The following DROSHA variants were observed in gnomAD, a reference collection of about 807,000 sequenced individuals.
DROSHA encodes the protein drosha ribonuclease III, also known as ribonuclease 3.
Under a neutral mutation model 181.9 loss-of-function variants are expected in DROSHA, and 56 were observed. The observed-to-expected ratio is 0.31, with a 90% CI of 0.25 to 0.38. The LOEUF (loss-of-function observed/expected upper bound fraction) is 0.38. Ranked by LOEUF, DROSHA falls within the 10% of genes least tolerant of loss-of-function variation. The pLI, the probability that DROSHA is intolerant of heterozygous loss-of-function variation, is 1.00. For missense variants in DROSHA, 1,218 were observed against 1,743.5 expected, an observed-to-expected ratio of 0.70 and a Z score of 5.37; for synonymous variants, 524 against 591.2, an observed-to-expected ratio of 0.89 and a Z score of 1.65.
intron 3 of DROSHA, among the ~76,000 whole-genome samples, 168 bp downstream of exon 3, chr5:31,530,630 C>CAA (rs34124311): frequency 0.013 from 1,480 of 112,444 alleles, 28 homozygotes; most frequent in African/African-American, 0.027. Context: ...AACTCTAGCT[C>CAA]AAAAAAAAAA....
At chr5:31,477,029 A>G (rs1484132146) in intron 16 of DROSHA, among the ~76,000 whole-genome samples, 1 of 152,236 alleles carries the variant, frequency 6.6e-6, no homozygotes, top group Non-Finnish European at 1.5e-5. Context: ...CATGATATAA[A>G]TGAGAAATGA....
chr5:31,455,328 C>T (rs1045463184), intron 20 of DROSHA, among the ~76,000 whole-genome samples: 24 of 151,530 alleles, frequency 1.6e-4, no homozygotes, highest in Admixed American at 2.6e-4. Context: ...ATGAAGAATT[C>T]GAGAGAACAT....
Position 31,468,001 on chromosome 5 carries a change from A to G in DROSHA, c.2304T>C (p.Thr768=). 6.2e-7 allele frequency: 1 copy of G among 1,612,156 alleles called. No homozygotes were observed. Among genetic ancestry groups the G allele is most frequent in the African/African-American group, 1.3e-5 (1 of 75,042 alleles). ...TCCCAAAGTGGACGATAATCGGAAA[A>G]GTAATCACATCGGGGTTGAACTGTT... ...DREQFNPDVI[T]FPIIVHFGIR... Residue 768 remains threonine (T), a synonymous_variant, in exon 18 of 36, where the codon ACT becomes ACC. Transcript: ENST00000344624.
chr5:31,504,671 G>A, intron 10 of DROSHA, 36 bp from the exon 11 acceptor site: 1 of 1,610,632 alleles, frequency 6.2e-7, no homozygotes, highest in South Asian at 1.1e-5. Context: ...TTTTATTGGA[G>A]GGAAAAATCC....
intron 10 of DROSHA, 51 bp from the exon 11 acceptor site, chr5:31,504,686 C>T: frequency 6.3e-7 from 1 of 1,596,580 alleles, no homozygotes; most frequent in Non-Finnish European, 8.6e-7. Context: ...AAATCCACAC[C>T]ATGCACGGTG....
intron 20 of DROSHA, among the ~76,000 whole-genome samples, chr5:31,462,833 T>C (rs987679358): frequency 6.6e-6 from 1 of 151,834 alleles, no homozygotes; most frequent in African/African-American, 2.4e-5. Flanking sequence ...GGGTTTTGTA[T>C]GAAAAAAAAA....
At chr5:31,446,541 A>G (rs1257453314) in intron 23 of DROSHA, among the ~76,000 whole-genome samples, 2 of 151,710 alleles carry the variant, frequency 1.3e-5, no homozygotes, top group African/African-American at 4.8e-5. Context: ...TAAAATGTAT[A>G]CTCTGAAAAC....
At chr5:31,403,193 T>G (rs2149982251) in intron 35 of DROSHA, among the ~76,000 whole-genome samples, 1 of 152,360 alleles carries the variant, frequency 6.6e-6, no homozygotes, top group Non-Finnish European at 1.5e-5. Context: ...ATATAACTAC[T>G]TTTTTCAAAA....
In DROSHA at chr5:31,401,541, TG is replaced by T; in HGVS notation, c.4015del (p.His1339IlefsTer14). The T allele has an allele frequency of 6.3e-7, 1 of 1,585,942 alleles. No individual in the cohort carries two copies. The highest frequency in any genetic ancestry group is 8.6e-7 in the Non-Finnish European group (1 of 1,165,748). On this transcript the variant is annotated frameshift_variant, in exon 36 of 36. Transcript: ENST00000344624. LOFTEE classifies it high-confidence loss of function. ...CTTCCGTTCGATGAACCGCTTCTGATGGGCCATCTGGGGAAAATTATCTGAC... is the reference window on the plus strand; with the variant it reads ...CTTCCGTTCGATGAACCGCTTCTGATGGCCATCTGGGGAAAATTATCTGAC... ...LEKYNFPQMA[H>X]QKRFIERKYR...
intron 15 of DROSHA, among the ~76,000 whole-genome samples, chr5:31,484,371 A>C (rs1751459978): frequency 1.0e-5 from 1 of 95,784 alleles, no homozygotes; most frequent in African/African-American, 5.2e-5. Context: ...ACAGAGCGAG[A>C]CTCCGTCTCA....
chr5:31,422,728 G>A, intron 29 of DROSHA, 59 bp downstream of exon 29: 1 of 1,597,096 alleles, frequency 6.3e-7, no homozygotes, highest in Non-Finnish European at 8.5e-7. Context: ...TGCTCCAAAG[G>A]TCTGGGACTG....
At chr5:31,405,936 G>C (rs780937018) in intron 34 of DROSHA, among the ~76,000 whole-genome samples, 1 of 151,776 alleles carries the variant, frequency 6.6e-6, no homozygotes, top group Non-Finnish European at 1.5e-5. Context: ...TCATTGATTT[G>C]CACAAAGCCT....
chr5:31,422,271 A>T (rs1380473740), intron 29 of DROSHA, among the ~76,000 whole-genome samples: 2 of 151,888 alleles, frequency 1.3e-5, no homozygotes, highest in Non-Finnish European at 2.9e-5. Flanking sequence ...ACAAAAAACA[A>T]CCCCAAAGAA....
At chr5:31,487,813 CATTTTT>C (rs1470884444) in intron 13 of DROSHA, among the ~76,000 whole-genome samples, 3 of 152,124 alleles carry the variant, frequency 2.0e-5, no homozygotes, top group Non-Finnish European at 4.4e-5. Context: ...TAGCCATTAT[CATTTTT>C]AAGTTCTACT....
chr5:31,426,553 T>G (rs1049015406), intron 27 of DROSHA, among the ~76,000 whole-genome samples: 2 of 152,128 alleles, frequency 1.3e-5, no homozygotes, highest in Admixed American at 6.5e-5. Flanking sequence ...ATTCTTCAGA[T>G]GTGTCCTGAG....
At position 31,493,440 on chromosome 5, in the gene DROSHA, C is replaced by T. The variant is rs1287790032; in HGVS notation, c.1756-147G>A. ...GAACTTTATACAAAGTTTAATTTTA[C>T]ATGAAATTATCCGGCTTCAGATAGT... is the stretch of plus-strand genomic sequence containing the variant. On this transcript the variant is annotated intron_variant, in intron 12 of 35. Transcript: ENST00000344624. 4.0e-5 allele frequency: 25 copies of T among 629,736 alleles called. No individual in the cohort carries two copies. The East Asian group carries it at 6.9e-4, about 17-fold the overall frequency. The allele number at this position is 629,736 out of a possible 1,614,324, so 39.0% of individuals were successfully genotyped here. A position where few individuals can be genotyped will look rare whatever the true frequency, so the allele number is the denominator to read the frequency against.
chr5:31,512,066 T>C (rs1185278364), intron 8 of DROSHA, among the ~76,000 whole-genome samples: 1 of 152,092 alleles, frequency 6.6e-6, no homozygotes. Context: ...TTTTCCACTT[T>C]TCCTCACTCA....
chr5:31,531,738 G>C (rs1469071445), intron 1 of DROSHA, among the ~76,000 whole-genome samples: 3 of 152,106 alleles, frequency 2.0e-5, no homozygotes, highest in African/African-American at 7.2e-5. Context: ...ACTCCCCTCC[G>C]AGAGCCGGGC....
chr5:31,446,869 G>A (rs573525679), intron 23 of DROSHA, among the ~76,000 whole-genome samples: 30 of 152,044 alleles, frequency 2.0e-4, no homozygotes, highest in African/African-American at 5.8e-4. Flanking sequence ...GCGAAACCTC[G>A]TCTCTACCAA....
Sources: gnomAD v4.1 joint callset for allele counts (sites outside exome capture counted in the v4.1 genomes callset) on GRCh38, gnomAD v4.1.1 for gene constraint, MANE v1.5 for transcripts, NCBI Gene and HGNC (gene_info 2026-07-23, HGNC 2026-07-21) for gene names.